The following FSTL5 variants were observed in gnomAD, a reference collection of about 807,000 sequenced individuals.
FSTL5 encodes the protein follistatin-related protein 5.
In FSTL5, 62 loss-of-function variants were observed where a neutral mutation model predicts 89.1. The ratio of observed to expected loss-of-function variants is 0.70; its 90% CI spans 0.57 to 0.86. FSTL5 has a LOEUF of 0.86. FSTL5 is among the 40% of genes least tolerant of loss of function. The probability of loss-of-function intolerance (pLI) is 0.00; values close to 1 mark genes in which losing one functional copy is unlikely to be tolerated. For missense variants in FSTL5, 1,057 were observed against 1,001.6 expected, an observed-to-expected ratio of 1.06 and a Z score of -0.75; for synonymous variants, 383 against 346.2, an observed-to-expected ratio of 1.11 and a Z score of -1.18.
At chr4:161,568,479 G>T (rs1732894035) in intron 8 of FSTL5, among the ~76,000 whole-genome samples, 1 of 152,152 alleles carries the variant, frequency 6.6e-6, no homozygotes. Context: ...AGCCTCCGCA[G>T]GTGGCTTTGG....
At chr4:161,934,094 T>G (rs1734365701) in intron 3 of FSTL5, among the ~76,000 whole-genome samples, 1 of 152,080 alleles carries the variant, frequency 6.6e-6, no homozygotes, top group Non-Finnish European at 1.5e-5. Context: ...GTTTCTTGTT[T>G]TACAAATAAA....
intron 3 of FSTL5, among the ~76,000 whole-genome samples, chr4:162,018,236 G>A (rs1180182363): frequency 1.3e-5 from 2 of 152,166 alleles, no homozygotes; most frequent in Admixed American, 1.3e-4. Context: ...AAACCAAGGT[G>A]TGTGGGCAGG....
chr4:161,384,009 T>C lies in FSTL5; in HGVS notation c.*1738A>G, dbSNP rs1730524319. 1 of 152,170 alleles carries C rather than the reference T, an allele frequency of 6.6e-6. No individual in the cohort carries two copies. Among genetic ancestry groups the C allele is most frequent in the Non-Finnish European group, 1.5e-5 (1 of 68,002 alleles). The allele number at this position is 152,170 out of a possible 1,614,324, so 9.4% of individuals were successfully genotyped here. ...ATGCGACAGACTTACATGAAATCAT[T>C]AAGTCACAGACACTTTATATGGTTC... On this transcript the variant is annotated 3_prime_UTR_variant, in exon 16 of 16. Transcript: ENST00000306100.
chr4:161,496,025 T>A (rs1730057977), intron 12 of FSTL5, among the ~76,000 whole-genome samples: 1 of 152,132 alleles, frequency 6.6e-6, no homozygotes, highest in Non-Finnish European at 1.5e-5. Context: ...ATGAAACATT[T>A]TTCACAAACA....
At chr4:161,625,106 C>A (rs959118002) in intron 7 of FSTL5, among the ~76,000 whole-genome samples, 12 of 152,010 alleles carry the variant, frequency 7.9e-5, no homozygotes, top group African/African-American at 2.9e-4. Flanking sequence ...TCATATGGAA[C>A]AATAGTACTC....
At chr4:162,088,322 TAA>T (rs1730404264) in intron 2 of FSTL5, among the ~76,000 whole-genome samples, 1 of 152,084 alleles carries the variant, frequency 6.6e-6, no homozygotes, top group Non-Finnish European at 1.5e-5. Flanking sequence ...TATAGAATTA[TAA>T]CTCAAGTATT....
At chr4:161,832,910 G>C (rs1316048511) in intron 4 of FSTL5, among the ~76,000 whole-genome samples, 1 of 148,076 alleles carries the variant, frequency 6.8e-6, no homozygotes, top group Non-Finnish European at 1.5e-5. Flanking sequence ...AGTTATTTCT[G>C]GCCTTCTGCT....
Position 161,819,717 on chromosome 4 carries a change from A to T in FSTL5, c.410-43643T>A, listed in dbSNP as rs1331480023. Among the ~76,000 whole-genome samples, 68 of 152,248 alleles carry T rather than the reference A, an allele frequency of 4.5e-4. 1 individual carries two copies. The highest frequency in any genetic ancestry group is 2.9e-5 in the Non-Finnish European group (2 of 67,968). On this transcript the variant is annotated intron_variant, in intron 4 of 15. Transcript: ENST00000306100. The stretch of plus-strand genomic sequence containing the variant: ...GAAACCTAAAATCAGCTGATTATTT[A>T]AAAATAATCTCCTTTGCAAGCTCCT...
intron 1 of FSTL5, among the ~76,000 whole-genome samples, chr4:162,114,107 C>T (rs924668773): frequency 1.3e-5 from 2 of 152,114 alleles, no homozygotes; most frequent in Non-Finnish European, 2.9e-5. Flanking sequence ...GAATGCAATT[C>T]CTATTTCCAC....
chr4:161,739,580 G>T (rs1050896512), intron 6 of FSTL5, among the ~76,000 whole-genome samples: 1 of 152,138 alleles, frequency 6.6e-6, no homozygotes, highest in African/African-American at 2.4e-5. Context: ...TTTGGACAAA[G>T]CTGTCTTATA....
intron 6 of FSTL5, among the ~76,000 whole-genome samples, chr4:161,745,359 T>C (rs1260382001): frequency 2.0e-5 from 3 of 152,158 alleles, no homozygotes; most frequent in African/African-American, 4.8e-5. Context: ...TGTAACTATA[T>C]ACAAAAATGT....
intron 1 of FSTL5, among the ~76,000 whole-genome samples, chr4:162,113,407 G>A (rs1388844): frequency 1 from 151,737 of 152,302 alleles, 75,589 homozygotes; most frequent in Middle Eastern, 1. Flanking sequence ...CTGTCAAGAC[G>A]CTTCTCACCT....
At chr4:161,579,598 T>C (rs1733353499) in intron 8 of FSTL5, among the ~76,000 whole-genome samples, 1 of 152,026 alleles carries the variant, frequency 6.6e-6, no homozygotes, top group Non-Finnish European at 1.5e-5. Context: ...GCACCTGTGA[T>C]TGCAGCTACT....
intron 4 of FSTL5, among the ~76,000 whole-genome samples, chr4:161,916,368 A>G (rs1415226059): frequency 6.6e-6 from 1 of 152,120 alleles, no homozygotes; most frequent in Non-Finnish European, 1.5e-5. Flanking sequence ...GATGTTTTGT[A>G]TGAGGGAATG....
At chr4:162,118,188 A>G (rs1731718325) in intron 1 of FSTL5, among the ~76,000 whole-genome samples, 1 of 152,180 alleles carries the variant, frequency 6.6e-6, no homozygotes, top group Non-Finnish European at 1.5e-5. Flanking sequence ...AGACACTTTA[A>G]CTACACACCT....
At chr4:161,487,678 G>A (rs1310901111) in intron 12 of FSTL5, among the ~76,000 whole-genome samples, 2 of 151,514 alleles carry the variant, frequency 1.3e-5, no homozygotes, top group Admixed American at 6.6e-5. Context: ...TTATTCTAGC[G>A]CTCTCTCTCT....
intron 3 of FSTL5, among the ~76,000 whole-genome samples, chr4:161,930,010 A>T (rs895633811): frequency 6.6e-6 from 1 of 151,774 alleles, no homozygotes; most frequent in Non-Finnish European, 1.5e-5. Flanking sequence ...ATTTTTTAAG[A>T]GCCATATTTA....
At chr4:161,866,652 T>G (rs77033764) in intron 4 of FSTL5, among the ~76,000 whole-genome samples, 5,990 of 152,036 alleles carry the variant, frequency 0.039, 185 homozygotes, top group East Asian at 0.15. Context: ...AGTGTAGCCT[T>G]AACAACAATT....
At chr4:161,854,575 CCAA>C (rs918910276) in intron 4 of FSTL5, among the ~76,000 whole-genome samples, 4 of 151,998 alleles carry the variant, frequency 2.6e-5, no homozygotes, top group South Asian at 2.1e-4. Context: ...TGCTGTTAAT[CCAA>C]CAACAACAAC....
Sources: gnomAD v4.1 joint callset for allele counts (sites outside exome capture counted in the v4.1 genomes callset) on GRCh38, gnomAD v4.1.1 for gene constraint, MANE v1.5 for transcripts, NCBI Gene and HGNC (gene_info 2026-07-23, HGNC 2026-07-21) for gene names.